Variants in FAM174B observed in about 807,000 individuals in gnomAD.
The protein encoded by FAM174B is family with sequence similarity 174 member B.
Under a neutral mutation model 10.9 loss-of-function variants are expected in FAM174B, and 12 were observed. The ratio of observed to expected loss-of-function variants is 1.10; its 90% CI spans 0.71 to 1.79. The LOEUF is 1.79. FAM174B is among the 40% of genes most tolerant of loss of function. The pLI, the probability that FAM174B is intolerant of heterozygous loss-of-function variation, is 0.00. For missense variants in FAM174B, 266 were observed against 233.3 expected, an observed-to-expected ratio of 1.14 and a Z score of -0.91; for synonymous variants, 132 against 115.8, an observed-to-expected ratio of 1.14 and a Z score of -0.90.
chr15:92,655,624 C>A lies in FAM174B; in HGVS notation c.36G>T (p.Pro12=). 6 of 1,261,054 alleles carry A rather than the reference C, an allele frequency of 4.8e-6. No individual in the cohort carries two copies. Among genetic ancestry groups the A allele is most frequent in the Non-Finnish European group, 6.0e-6 (6 of 1,007,510 alleles). 78.1% of individuals were successfully genotyped at this position (1,261,054 alleles called of 1,614,324 possible). The change falls in exon 1 of 3, where the codon CCG becomes CCT. Residue 12 remains proline, a synonymous_variant. Coordinates refer to ENST00000327355, the MANE Select transcript of FAM174B (RefSeq NM_207446.3). Reference sequence around the variant, plus strand: ...CGGCCAGGAGCGCGAGCAGCAGCAGCGGCAGGAGCGGGGCGGGCAGCGGCA... The same window carrying A: ...CGGCCAGGAGCGCGAGCAGCAGCAGAGGCAGGAGCGGGGCGGGCAGCGGCA... The part of the protein sequence containing the change: ...RAVPLPAPLL[P]LLLLALLAAP...
chr15:92,627,506 G>T (rs1206964534), intron 2 of FAM174B: 1 of 155,884 alleles, frequency 6.4e-6, no homozygotes, highest in African/African-American at 2.4e-5. Context: ...GGACGTCTAT[G>T]CCCTCAGGGA....
chr15:92,621,041 C>G (rs1399527644), intron 2 of FAM174B, among the ~76,000 whole-genome samples: 1 of 152,088 alleles, frequency 6.6e-6, no homozygotes, highest in Non-Finnish European at 1.5e-5. Context: ...ATTACCATAA[C>G]AGGTAGCTAT....
At chr15:92,651,763 A>G (rs1165013115) in intron 1 of FAM174B, among the ~76,000 whole-genome samples, 1 of 152,212 alleles carries the variant, frequency 6.6e-6, no homozygotes, top group Non-Finnish European at 1.5e-5. Flanking sequence ...TTTCTCTTCT[A>G]ATCATTCACA....
rs1331889594 is a variant in FAM174B at position 92,655,357 on chromosome 15, A to G, written c.303T>C (p.Phe101=). The change falls in exon 1 of 3, where the codon TTT becomes TTC. Residue 101 remains phenylalanine (F), a synonymous_variant. Transcript: ENST00000327355. The part of the protein sequence containing the change: ...LKAAVIVAFA[F]TTLLIACLLL... ...GCAGGCAGGCGATGAGGAGGGTGGT[A>G]AAGGCGAACGCCACGATCACGGCTG... 6 of 1,588,780 alleles carry G rather than the reference A, an allele frequency of 3.8e-6. No individual in the cohort carries two copies. Among genetic ancestry groups the G allele is most frequent in the Non-Finnish European group, 5.1e-6 (6 of 1,168,292 alleles).
intron 1 of FAM174B, among the ~76,000 whole-genome samples, chr15:92,649,424 G>A (rs2050949878): frequency 6.6e-6 from 1 of 152,138 alleles, no homozygotes; most frequent in African/African-American, 2.4e-5. Flanking sequence ...TGATAATTGT[G>A]GCCATATGGC....
At chr15:92,636,153 A>G (rs1205742997) in intron 1 of FAM174B, among the ~76,000 whole-genome samples, 1 of 150,538 alleles carries the variant, frequency 6.6e-6, no homozygotes, top group Non-Finnish European at 1.5e-5. Context: ...GTCTTTTAAA[A>G]TAATAGTCCA....
chr15:92,618,857 GAAGA>G lies in FAM174B; in HGVS notation c.*595_*598del, dbSNP rs2050699079. 5.2e-6 allele frequency: 1 copy of G among 192,616 alleles called. No individual in the cohort carries two copies. Among genetic ancestry groups the G allele is most frequent in the Admixed American group, 6.0e-5 (1 of 16,780 alleles). The allele number at this position is 192,616 out of a possible 1,614,324, so 11.9% of individuals were successfully genotyped here. On this transcript the variant is annotated 3_prime_UTR_variant, in exon 3 of 3. Transcript: ENST00000327355. ...TTTTTTTTTAAAAAAAAAAAAAAAG[GAAGA>G]AAGAAAAGGAGCCACAGACGTGTCC...
intron 2 of FAM174B, among the ~76,000 whole-genome samples, chr15:92,620,409 A>G (rs1443025402): frequency 3.3e-5 from 5 of 152,176 alleles, no homozygotes; most frequent in Non-Finnish European, 7.3e-5. Context: ...GAGGCAGGAC[A>G]ATGGTGTGAA....
In FAM174B at chr15:92,619,458, A is replaced by T; in HGVS notation, c.478T>A (p.Ter160LysextTer34). The change falls in exon 3 of 3, where the codon TAA becomes AAA. Residue 160 changes from the stop codon to lysine (K), a stop_lost and splice_region_variant. Coordinates refer to ENST00000327355, the MANE Select transcript of FAM174B (RefSeq NM_207446.3). ...DSTVFDIKYR[*>K] ...GCCACCAGGCTGGGAAACAGGTTTTACCTAAAAGAAAGGGAAGGACAAGAG... is the reference window on the plus strand; with the variant it reads ...GCCACCAGGCTGGGAAACAGGTTTTTCCTAAAAGAAAGGGAAGGACAAGAG... The T allele has an allele frequency of 6.2e-7, 1 of 1,613,706 alleles. No individual in the cohort carries two copies. The highest frequency in any genetic ancestry group is 2.2e-5 in the East Asian group (1 of 44,876).
At chr15:92,644,787 C>G (rs1349251861) in intron 1 of FAM174B, among the ~76,000 whole-genome samples, 9 of 152,220 alleles carry the variant, frequency 5.9e-5, no homozygotes. Context: ...CAAAAAGGCA[C>G]AAATAGCGGC....
chr15:92,621,138 C>A (rs2050716750), intron 2 of FAM174B, among the ~76,000 whole-genome samples: 1 of 152,190 alleles, frequency 6.6e-6, no homozygotes, highest in Admixed American at 6.5e-5. Flanking sequence ...AACTTACCCT[C>A]TAATGGTTTA....
intron 2 of FAM174B, among the ~76,000 whole-genome samples, chr15:92,623,828 AGT>A (rs1203901318): frequency 2.6e-5 from 4 of 152,270 alleles, no homozygotes; most frequent in Non-Finnish European, 5.9e-5. Flanking sequence ...AGCCCCTGGC[AGT>A]TCTACTGCTT....
In FAM174B at chr15:92,637,087, C is replaced by T. The variant is rs1480013520; in HGVS notation, c.345-6742G>A. Among the ~76,000 whole-genome samples the T allele has an allele frequency of 2.6e-5, 4 of 152,220 alleles. No individual in the cohort carries two copies. In the East Asian group the frequency reaches 5.8e-4, roughly 22 times the overall value. ...CTCCCACATGGGCCTGGCCACACCC[C>T]CAGTTCCAGGAGTGGACGTGAGCCT... is the stretch of plus-strand genomic sequence containing the variant. On this transcript the variant is annotated intron_variant, in intron 1 of 2. Transcript: ENST00000327355.
intron 1 of FAM174B, among the ~76,000 whole-genome samples, chr15:92,654,574 C>T (rs1230822605): frequency 1.3e-5 from 2 of 152,128 alleles, no homozygotes; most frequent in Non-Finnish European, 2.9e-5. Context: ...TCTCCAAGAT[C>T]CCTCATGCCC....
At chr15:92,620,814 C>CAAAAAAA (rs34607670) in intron 2 of FAM174B, among the ~76,000 whole-genome samples, 1 of 71,370 alleles carries the variant, frequency 1.4e-5, no homozygotes, top group African/African-American at 5.9e-5. Flanking sequence ...GACTCTGTCT[C>CAAAAAAA]AAAAAAAAAA....
intron 2 of FAM174B, chr15:92,627,185 G>A (rs1008578209): frequency 6.6e-6 from 1 of 152,670 alleles, no homozygotes; most frequent in African/African-American, 2.4e-5. Context: ...CGGAGACCAG[G>A]TGTCTCACTA....
At chr15:92,634,124 A>G (rs143213709) in intron 1 of FAM174B, among the ~76,000 whole-genome samples, 1 of 152,324 alleles carries the variant, frequency 6.6e-6, no homozygotes, top group Non-Finnish European at 1.5e-5. Context: ...ACACACAGCT[A>G]AACAAGCATC....
intron 1 of FAM174B, among the ~76,000 whole-genome samples, chr15:92,654,432 C>T (rs1213789903): frequency 6.6e-6 from 1 of 152,158 alleles, no homozygotes; most frequent in Non-Finnish European, 1.5e-5. Context: ...CAGGATTTCC[C>T]AGGCATTAAA....
intron 1 of FAM174B, among the ~76,000 whole-genome samples, chr15:92,651,773 A>G (rs1567051273): frequency 6.6e-6 from 1 of 152,256 alleles, no homozygotes; most frequent in Non-Finnish European, 1.5e-5. Context: ...AATCATTCAC[A>G]TTAGAAGCAA....
Sources: gnomAD v4.1 joint callset for allele counts (sites outside exome capture counted in the v4.1 genomes callset) on GRCh38, gnomAD v4.1.1 for gene constraint, MANE v1.5 for transcripts, NCBI Gene and HGNC (gene_info 2026-07-23, HGNC 2026-07-21) for gene names.